The following HEMK2 variants were observed in gnomAD, a reference collection of about 807,000 sequenced individuals.
The protein encoded by HEMK2 is methyltransferase HEMK2.
the HEMK2 span, among the ~76,000 whole-genome samples, chr21:28,588,330 C>T: frequency 6.6e-6 from 1 of 152,184 alleles, no homozygotes; most frequent in Non-Finnish European, 1.5e-5. Context: ...GGCTCTGCCC[C>T]AGGAGCAACT....
At chr21:28,604,210 C>T in the HEMK2 span, among the ~76,000 whole-genome samples, 2 of 152,032 alleles carry the variant, frequency 1.3e-5, no homozygotes, top group African/African-American at 2.4e-5. Flanking sequence ...TTGTCTTTTT[C>T]CTTTAAAAGA....
chr21:28,657,175 A>G, the HEMK2 span, among the ~76,000 whole-genome samples: 4 of 152,096 alleles, frequency 2.6e-5, no homozygotes, highest in Admixed American at 1.3e-4. Context: ...ATCAGCTGAA[A>G]TTTCCTAATT....
At chr21:28,719,220 G>A in the HEMK2 span, among the ~76,000 whole-genome samples, 1 of 152,156 alleles carries the variant, frequency 6.6e-6, no homozygotes, top group African/African-American at 2.4e-5. Context: ...CCAAGTAGGG[G>A]CATTGCTCAT....
the HEMK2 span, among the ~76,000 whole-genome samples, chr21:28,695,546 A>T: frequency 2.3e-4 from 35 of 151,880 alleles, no homozygotes; most frequent in Non-Finnish European, 4.1e-4. Context: ...GTGCAGGGGA[A>T]CTCCCATTTA....
the HEMK2 span, among the ~76,000 whole-genome samples, chr21:28,660,424 G>A: frequency 8.6e-5 from 13 of 151,376 alleles, no homozygotes; most frequent in Non-Finnish European, 1.5e-4. Context: ...AGGATTTGGG[G>A]TAACTCTTCT....
At chr21:28,778,055 C>T in the HEMK2 span, among the ~76,000 whole-genome samples, 1,043 of 152,232 alleles carry the variant, frequency 6.9e-3, 13 homozygotes, top group Admixed American at 0.012. Context: ...TTATGGTGGA[C>T]AACATGATGT....
chr21:28,623,893 T>C, the HEMK2 span, among the ~76,000 whole-genome samples: 25 of 152,082 alleles, frequency 1.6e-4, no homozygotes, highest in Non-Finnish European at 3.4e-4. Context: ...ATATGACGGG[T>C]TGATGGTGCA....
At chr21:28,837,195 C>T in the HEMK2 span, among the ~76,000 whole-genome samples, 2,595 of 152,282 alleles carry the variant, frequency 0.017, 30 homozygotes, top group Middle Eastern at 0.034. Context: ...AACAAATGGA[C>T]TTAACAGATA....
At chr21:28,623,411 T>C in the HEMK2 span, among the ~76,000 whole-genome samples, 4 of 152,220 alleles carry the variant, frequency 2.6e-5, no homozygotes, top group African/African-American at 4.8e-5. Context: ...TCAACCATTG[T>C]GGAAGACAGT....
the HEMK2 span, among the ~76,000 whole-genome samples, chr21:28,835,827 T>C: frequency 6.6e-6 from 1 of 152,172 alleles, no homozygotes; most frequent in East Asian, 1.9e-4. Flanking sequence ...GGACCACTTT[T>C]AGAAATGCAA....
the HEMK2 span, among the ~76,000 whole-genome samples, chr21:28,611,689 C>G: frequency 2.0e-5 from 3 of 152,082 alleles, no homozygotes; most frequent in Non-Finnish European, 4.4e-5. Context: ...AGATGGATCA[C>G]TTGAGGTCAG....
the HEMK2 span, among the ~76,000 whole-genome samples, chr21:28,821,924 T>C: frequency 6.6e-6 from 1 of 152,358 alleles, no homozygotes; most frequent in South Asian, 2.1e-4. Context: ...TTATTTTCAC[T>C]GTCCACCGCT....
At chr21:28,830,147 C>T in the HEMK2 span, among the ~76,000 whole-genome samples, 2 of 152,282 alleles carry the variant, frequency 1.3e-5, no homozygotes, top group Non-Finnish European at 2.9e-5. Context: ...GGGTATGGTA[C>T]ATCCAGACAC....
the HEMK2 span, among the ~76,000 whole-genome samples, chr21:28,837,882 T>C: frequency 1.3e-5 from 2 of 152,044 alleles, no homozygotes; most frequent in African/African-American, 4.8e-5. Context: ...CACTGAAATA[T>C]AAAAGATAGT....
At chr21:28,864,552 C>A in the HEMK2 span, among the ~76,000 whole-genome samples, 4 of 152,156 alleles carry the variant, frequency 2.6e-5, no homozygotes, top group Non-Finnish European at 5.9e-5. Context: ...GCTCCTATTT[C>A]AATAACTCTA....
the HEMK2 span, among the ~76,000 whole-genome samples, chr21:28,737,100 TGTTG>T: frequency 6.6e-5 from 10 of 152,134 alleles, no homozygotes; most frequent in South Asian, 2.1e-4. Context: ...CAGTGAAGTT[TGTTG>T]GTTGGTTGGT....
chr21:28,619,352 T>C, the HEMK2 span, among the ~76,000 whole-genome samples: 1 of 152,214 alleles, frequency 6.6e-6, no homozygotes, highest in Non-Finnish European at 1.5e-5. Flanking sequence ...TTTCTGGCAA[T>C]ATATCTTTAA....
the HEMK2 span, among the ~76,000 whole-genome samples, chr21:28,631,752 A>G: frequency 6.6e-6 from 1 of 152,156 alleles, no homozygotes; most frequent in East Asian, 1.9e-4. Flanking sequence ...AAGATATATA[A>G]TCTCCAGTTT....
chr21:28,850,579 G>C, the HEMK2 span, among the ~76,000 whole-genome samples: 2 of 152,132 alleles, frequency 1.3e-5, no homozygotes, highest in African/African-American at 4.8e-5. Flanking sequence ...CATAAGTGAA[G>C]GGGAAATAAA....
Sources: allele counts gnomAD v4.1 joint callset (sites outside exome capture counted in the v4.1 genomes callset), GRCh38; gene constraint gnomAD v4.1.1; transcripts MANE v1.5; gene names NCBI Gene and HGNC (gene_info 2026-07-23, HGNC 2026-07-21).